USP18: variants seen among roughly 807,000 people sequenced by gnomAD.
USP18 encodes ubiquitin specific peptidase 18, also known as ubl carboxyl-terminal hydrolase 18.
USP18 carries 11 observed loss-of-function variants against 48.7 expected under a neutral mutation model. The observed-to-expected ratio is 0.23, with a 90% CI of 0.14 to 0.37. USP18 has a LOEUF of 0.37. Ranked by LOEUF, USP18 falls within the 10% of genes least tolerant of loss-of-function variation. The pLI, the probability that USP18 is intolerant of heterozygous loss-of-function variation, is 1.00. For synonymous variants in USP18, 114 were observed against 163.2 expected (o/e 0.70, Z 2.30); for missense variants, 285 against 436.4 (o/e 0.65, Z 3.09).
intron 6 of USP18, among the ~76,000 whole-genome samples, chr22:18,168,292 C>T (rs555943845): frequency 8.5e-5 from 13 of 152,214 alleles, no homozygotes; most frequent in Non-Finnish European, 1.2e-4. Context: ...TCTTCCTCTT[C>T]GTATGAAGCC....
At chr22:18,168,128 T>A in intron 6 of USP18, 92 bp downstream of exon 6, 1 of 1,550,670 alleles carries the variant, frequency 6.4e-7, no homozygotes, top group Non-Finnish European at 8.7e-7. Flanking sequence ...GTAATTTATT[T>A]CTTACAGTTC....
intron 4 of USP18, among the ~76,000 whole-genome samples, chr22:18,164,448 G>A (rs535520413): frequency 6.6e-6 from 1 of 152,220 alleles, no homozygotes; most frequent in South Asian, 2.1e-4. Context: ...AGGGGTAAAT[G>A]TGTACTCAAT....
chr22:18,151,886 C>G (rs866098481), intron 1 of USP18, among the ~76,000 whole-genome samples: 3 of 152,008 alleles, frequency 2.0e-5, no homozygotes, highest in Non-Finnish European at 4.4e-5. Flanking sequence ...GCAAACCCAT[C>G]TACTAAAAAT....
intron 4 of USP18, among the ~76,000 whole-genome samples, chr22:18,164,099 G>A (rs889233128): frequency 6.6e-6 from 1 of 152,248 alleles, no homozygotes; most frequent in African/African-American, 2.4e-5. Flanking sequence ...GCTGCTCTCT[G>A]CTTAGAGACG....
intron 4 of USP18, among the ~76,000 whole-genome samples, chr22:18,162,784 T>TGCTA (rs1286584279): frequency 2.0e-5 from 3 of 152,192 alleles, no homozygotes; most frequent in African/African-American, 7.2e-5. Flanking sequence ...CTAGGCTGCA[T>TGCTA]GCTATGGCCA....
intron 10 of USP18, among the ~76,000 whole-genome samples, chr22:18,175,515 A>ATCTCTG (rs1929760866): frequency 6.7e-6 from 1 of 149,074 alleles, no homozygotes; most frequent in Admixed American, 6.6e-5. Flanking sequence ...TTGAGATCAG[A>ATCTCTG]GGTTGGCAGA....
chr22:18,152,880 G>C (rs1929035045), intron 1 of USP18, among the ~76,000 whole-genome samples: 1 of 152,106 alleles, frequency 6.6e-6, no homozygotes, highest in South Asian at 2.1e-4. Context: ...GAAGTATCTG[G>C]GAGGTCTTGG....
chr22:18,157,502 A>G (rs1001116792), intron 1 of USP18, 56 bp from the exon 2 acceptor site: 2 of 898,456 alleles, frequency 2.2e-6, no homozygotes, highest in African/African-American at 1.7e-5. Context: ...AACGGATTAC[A>G]TGAATACACA....
At chr22:18,164,670 C>A (rs1289005142) in intron 4 of USP18, among the ~76,000 whole-genome samples, 2 of 152,148 alleles carry the variant, frequency 1.3e-5, no homozygotes, top group Non-Finnish European at 2.9e-5. Flanking sequence ...GGAAGCCTGG[C>A]ATTTCTGCCT....
intron 2 of USP18, among the ~76,000 whole-genome samples, chr22:18,158,096 T>G (rs1929221714): frequency 6.6e-6 from 1 of 152,154 alleles, no homozygotes; most frequent in Admixed American, 6.6e-5. Context: ...AAGACCAGCC[T>G]GGCCAAAATG....
intron 1 of USP18, among the ~76,000 whole-genome samples, chr22:18,152,009 C>A (rs361604): frequency 6.6e-6 from 1 of 151,880 alleles, no homozygotes; most frequent in African/African-American, 2.4e-5. Context: ...AGCCAAGATC[C>A]GGCCACTGCA....
chr22:18,170,383 A>G (rs1011857414), intron 7 of USP18, among the ~76,000 whole-genome samples: 2 of 152,098 alleles, frequency 1.3e-5, no homozygotes, highest in African/African-American at 4.8e-5. Flanking sequence ...TGATATCTGG[A>G]GCCGTGGATG....
chr22:18,162,902 C>T (rs1351930951), intron 4 of USP18, among the ~76,000 whole-genome samples: 3 of 151,458 alleles, frequency 2.0e-5, no homozygotes, highest in Non-Finnish European at 1.5e-5. Context: ...TTCTGGGACT[C>T]TGATAATGCC....
intron 2 of USP18, 145 bp downstream of exon 2, chr22:18,157,965 GC>G (rs1201669875): frequency 3.1e-5 from 38 of 1,217,584 alleles, no homozygotes; most frequent in Non-Finnish European, 4.2e-5. Context: ...TGGGGATACA[GC>G]CTGGGCCATA....
chr22:18,152,011 G>GCA (rs1329685909), intron 1 of USP18, among the ~76,000 whole-genome samples: 2 of 152,122 alleles, frequency 1.3e-5, no homozygotes, highest in African/African-American at 4.8e-5. Flanking sequence ...CCAAGATCCG[G>GCA]CCACTGCACT....
chr22:18,152,795 C>T (rs1443258862), intron 1 of USP18, among the ~76,000 whole-genome samples: 1 of 152,148 alleles, frequency 6.6e-6, no homozygotes, highest in Non-Finnish European at 1.5e-5. Flanking sequence ...TGAAAGGCTG[C>T]TGTATTTTGT....
intron 10 of USP18, among the ~76,000 whole-genome samples, chr22:18,175,008 G>T (rs933636283): frequency 6.6e-6 from 1 of 152,082 alleles, no homozygotes; most frequent in African/African-American, 2.4e-5. Flanking sequence ...CTGCCTCGTG[G>T]GTTCATGCCA....
At position 18,159,820 on chromosome 22, in the gene USP18, C is replaced by T. The variant is rs182887467; in HGVS notation, c.158-352C>T. ...CCTCCTGAGTAGCTGGGACTACAGG[C>T]GCCCACCACCACGCCCGGCTAATTT... is the stretch of plus-strand genomic sequence containing the variant. On this transcript the variant is annotated intron_variant, in intron 2 of 10. Transcript: ENST00000215794. Among the ~76,000 whole-genome samples the T allele has an allele frequency of 1.1e-3, 160 of 152,032 alleles. 3 individuals carry two copies. The East Asian group carries it at 0.024, about 23-fold the overall frequency.
At chr22:18,173,383 G>A (rs1929691736) in intron 9 of USP18, 102 bp downstream of exon 9, 2 of 1,526,500 alleles carry the variant, frequency 1.3e-6, no homozygotes, top group Admixed American at 4.0e-5. Flanking sequence ...GACACACTGT[G>A]ATCCTGCTGT....
Sources: allele counts gnomAD v4.1 joint callset (sites outside exome capture counted in the v4.1 genomes callset), GRCh38; gene constraint gnomAD v4.1.1; transcripts MANE v1.5; gene names NCBI Gene and HGNC (gene_info 2026-07-23, HGNC 2026-07-21).